Variants in SPIRE1 observed in about 807,000 individuals in gnomAD.
SPIRE1 encodes protein spire homolog 1.
A neutral mutation model predicts 94.1 loss-of-function variants in SPIRE1; 40 were observed. The observed-to-expected ratio is 0.43, with a 90% confidence interval of 0.33 to 0.55. The LOEUF is 0.55. Among genes scored for constraint, SPIRE1 ranks in the 20% least tolerant of loss-of-function variants. The probability of loss-of-function intolerance (pLI) is 0.06; values close to 1 mark genes in which losing one functional copy is unlikely to be tolerated. For missense variants in SPIRE1, 838 were observed against 975.2 expected (o/e 0.86, Z 1.87); for synonymous variants, 376 against 371.7 (o/e 1.01, Z -0.13).
At chr18:12,659,298 A>C (rs2038646401), upstream of SPIRE1, among the ~76,000 whole-genome samples, 1 of 152,230 alleles carries the variant, frequency 6.6e-6, no homozygotes, top group Admixed American at 6.5e-5. Flanking sequence ...CAGTCTATTA[A>C]AATGAGATAC....
In SPIRE1 at chr18:12,526,092, C is replaced by CACACACACACACACACAG. The variant is rs765621602; in HGVS notation, c.729+9383_729+9384insCTGTGTGTGTGTGTGTGT. Among the ~76,000 whole-genome samples the CACACACACACACACACAG allele has an allele frequency of 2.1e-3, 319 of 149,048 alleles. 3 individuals carry two copies. Among genetic ancestry groups the CACACACACACACACACAG allele is most frequent in the African/African-American group, 4.1e-3 (167 of 40,730 alleles). ...ACACACACACACACACACACACACA[C>CACACACACACACACACAG]AGAGATGTATCTGATGCCTGCAGAA... On this transcript the variant is annotated intron_variant, in intron 4 of 16. Transcript: ENST00000409402.
chr18:12,500,915 A>G lies in SPIRE1; in HGVS notation c.973-4813T>C, dbSNP rs542498364. ...TGGAGAAACCCTGTCTCTACTAAAA[A>G]TACAAAATTAGCTGGGTGTGGTGGT... is the stretch of plus-strand genomic sequence containing the variant. On this transcript the variant is annotated intron_variant, in intron 6 of 16. Transcript: ENST00000409402. Among the ~76,000 whole-genome samples, 148 of 152,056 alleles carry G rather than the reference A, an allele frequency of 9.7e-4. 1 individual carries two copies. Among genetic ancestry groups the G allele is most frequent in the African/African-American group, 3.4e-3 (141 of 41,486 alleles).
intron 2 of SPIRE1, among the ~76,000 whole-genome samples, chr18:12,567,773 T>C (rs1043384010): frequency 1.3e-5 from 2 of 152,218 alleles, no homozygotes; most frequent in African/African-American, 4.8e-5. Flanking sequence ...AGTATGGGAA[T>C]TGACTGAGGG....
At chr18:12,494,454 G>C (rs1267915313) in intron 7 of SPIRE1, among the ~76,000 whole-genome samples, 1 of 151,886 alleles carries the variant, frequency 6.6e-6, no homozygotes, top group Non-Finnish European at 1.5e-5. Flanking sequence ...ACTCTGGCCT[G>C]GGAGACACAG....
chr18:12,529,443 C>T (rs9961294), intron 4 of SPIRE1, among the ~76,000 whole-genome samples: 106 of 151,626 alleles, frequency 7.0e-4, no homozygotes, highest in African/African-American at 2.3e-3. Flanking sequence ...GTCCTTTCAG[C>T]TGAGGTATGA....
chr18:12,563,387 T>C (rs1321393787), intron 2 of SPIRE1, among the ~76,000 whole-genome samples: 1 of 152,074 alleles, frequency 6.6e-6, no homozygotes, highest in African/African-American at 2.4e-5. Context: ...ATAGGTGTGA[T>C]CATAATGTAC....
Position 12,478,307 on chromosome 18 carries a change from ATG to A in SPIRE1, c.1404+1390_1404+1391del, listed in dbSNP as rs199628303. On this transcript the variant is annotated intron_variant, in intron 10 of 16. Coordinates refer to ENST00000409402, the MANE Select transcript of SPIRE1 (RefSeq NM_001128626.2). ...GCTAGGGTGTGAAGCTGGGGTGTGT[ATG>A]TGTGTGTAGCTAGGGTGTGTGTGTG... is the stretch of plus-strand genomic sequence containing the variant. 8.9e-3 allele frequency among the ~76,000 whole-genome samples: 1,298 copies of A among 145,796 alleles called. 28 individuals are homozygous for A. The highest frequency in any genetic ancestry group is 0.03 in the African/African-American group (1,189 of 39,196).
At chr18:12,616,515 G>T (rs2037312492) in intron 2 of SPIRE1, among the ~76,000 whole-genome samples, 1 of 152,220 alleles carries the variant, frequency 6.6e-6, no homozygotes, top group South Asian at 2.1e-4. Context: ...AGCCACAAGA[G>T]AAGAGAAAGT....
At chr18:12,635,235 C>A in intron 1 of SPIRE1, 139 bp from the exon 2 acceptor site, 3 of 489,024 alleles carry the variant, frequency 6.1e-6, no homozygotes, top group South Asian at 3.2e-5. Context: ...CTAGAATGAC[C>A]AAATATCCCT....
Position 12,535,550 on chromosome 18 carries a change from C to A in SPIRE1, c.655G>T (p.Ala219Ser). The change falls in exon 4 of 17, where the codon GCA becomes TCA. Residue 219 changes from alanine (A) to serine (S), a missense_variant. Ala to Ser is a moderately conservative substitution (Grantham distance 99, BLOSUM62 1). Coordinates refer to ENST00000409402, the MANE Select transcript of SPIRE1 (RefSeq NM_001128626.2). ...TCTGCAAACAGTGCACGACATACTG[C>A]CTGATAATGATTTGGTGCATCTGAT... The part of the protein sequence containing the change: ...TESDAPNHYQ[A>S]VCRALFAETM... The A allele has an allele frequency of 6.2e-7, 1 of 1,613,268 alleles. No individual in the cohort carries two copies. Among genetic ancestry groups the A allele is most frequent in the Non-Finnish European group, 8.5e-7 (1 of 1,179,342 alleles).
At chr18:12,504,754 A>G (rs1391488165) in intron 6 of SPIRE1, among the ~76,000 whole-genome samples, 3 of 152,224 alleles carry the variant, frequency 2.0e-5, no homozygotes, top group Non-Finnish European at 4.4e-5. Flanking sequence ...AATACACTGC[A>G]ATGTCAGCTA....
At chr18:12,478,634 T>C (rs1226875251) in intron 10 of SPIRE1, among the ~76,000 whole-genome samples, 2 of 151,892 alleles carry the variant, frequency 1.3e-5, no homozygotes, top group Non-Finnish European at 2.9e-5. Context: ...CGCATGCGTA[T>C]GTAGCTAGGG....
intron 2 of SPIRE1, among the ~76,000 whole-genome samples, chr18:12,561,512 C>T (rs1042772758): frequency 2.0e-5 from 3 of 152,076 alleles, no homozygotes; most frequent in Admixed American, 1.3e-4. Flanking sequence ...GTGATCCGCC[C>T]GCCTTGGCCT....
intron 2 of SPIRE1, among the ~76,000 whole-genome samples, chr18:12,555,833 C>G (rs1052074221): frequency 2.6e-5 from 4 of 151,962 alleles, no homozygotes; most frequent in African/African-American, 9.7e-5. Flanking sequence ...AATCAGACAA[C>G]AGAAAGAAAT....
chr18:12,615,345 A>AAAAAATAT, intron 2 of SPIRE1, among the ~76,000 whole-genome samples: 2 of 17,232 alleles, frequency 1.2e-4, no homozygotes, highest in African/African-American at 2.4e-4. Context: ...AAAAAAAAAA[A>AAAAAATAT]ATATATATAT....
At chr18:12,523,438 T>C (rs1281263831) in intron 4 of SPIRE1, among the ~76,000 whole-genome samples, 1 of 151,870 alleles carries the variant, frequency 6.6e-6, no homozygotes, top group African/African-American at 2.4e-5. Flanking sequence ...AGCAGGAGGG[T>C]TTGAGAAGAT....
At chr18:12,636,072 T>C (rs898438650) in intron 1 of SPIRE1, among the ~76,000 whole-genome samples, 1 of 152,076 alleles carries the variant, frequency 6.6e-6, no homozygotes, top group Non-Finnish European at 1.5e-5. Flanking sequence ...TTTGTATTTT[T>C]AGTAGAGATG....
intron 10 of SPIRE1, among the ~76,000 whole-genome samples, chr18:12,473,845 G>T (rs925605267): frequency 3.3e-5 from 5 of 152,200 alleles, no homozygotes; most frequent in African/African-American, 1.2e-4. Context: ...AGCAATGTGT[G>T]GTAAGAAGTT....
chr18:12,615,345 AATAT>A (rs71174107), intron 2 of SPIRE1, among the ~76,000 whole-genome samples: 28 of 17,230 alleles, frequency 1.6e-3, no homozygotes, highest in South Asian at 8.2e-3. Flanking sequence ...AAAAAAAAAA[AATAT>A]ATATATATAT....
Sources: allele counts gnomAD v4.1 joint callset (sites outside exome capture counted in the v4.1 genomes callset), GRCh38; gene constraint gnomAD v4.1.1; transcripts MANE v1.5; gene names NCBI Gene and HGNC (gene_info 2026-07-23, HGNC 2026-07-21).